Variants in TACR2 observed in about 807,000 individuals in gnomAD.
The protein encoded by TACR2 is substance-K receptor.
TACR2 carries 24 observed loss-of-function variants against 28.9 expected under a neutral mutation model. The observed-to-expected ratio is 0.83, with a 90% CI of 0.60 to 1.17. The LOEUF is 1.17. Ranked by LOEUF, TACR2 falls within the 50% of genes most tolerant of loss-of-function variation. The probability of loss-of-function intolerance (pLI) is 0.00; values close to 1 mark genes in which losing one functional copy is unlikely to be tolerated. For missense variants in TACR2, 487 were observed against 524.4 expected, an observed-to-expected ratio of 0.93 and a Z score of 0.70; for synonymous variants, 222 against 212.6, an observed-to-expected ratio of 1.04 and a Z score of -0.38.
Position 69,416,514 on chromosome 10 carries a change from A to G in TACR2, c.-191T>C. The G allele has an allele frequency of 1.5e-6, 1 of 653,324 alleles. No individual in the cohort carries two copies. 40.5% of individuals were successfully genotyped at this position (653,324 alleles called of 1,614,324 possible). ...GCAAAGATGAGCTGGGCTGAGCACA[A>G]AGCCCAGTCCAGAACCATTGTCATT... is the stretch of plus-strand genomic sequence containing the variant. On this transcript the variant is annotated 5_prime_UTR_variant, in exon 1 of 5. Transcript: ENST00000373306.
At chr10:69,405,162 A>AACTG (rs1840490987) in intron 4 of TACR2, 78 bp from the exon 5 acceptor site, 1 of 1,220,802 alleles carries the variant, frequency 8.2e-7, no homozygotes, top group African/African-American at 1.5e-5. Flanking sequence ...ACCCCCAGGA[A>AACTG]ACTGACTCCC....
intron 2 of TACR2, among the ~76,000 whole-genome samples, chr10:69,409,904 C>CATATAT (rs10663894): frequency 0.024 from 798 of 33,890 alleles, 11 homozygotes; most frequent in South Asian, 0.027. Context: ...TATATATATA[C>CATATAT]ATATATATAT....
chr10:69,410,059 T>G (rs1840556857), intron 2 of TACR2, among the ~76,000 whole-genome samples: 1 of 151,668 alleles, frequency 6.6e-6, no homozygotes, highest in South Asian at 2.1e-4. Context: ...TGCTGCTGTG[T>G]CATCTGCTTA....
Position 69,416,641 on chromosome 10 carries a change from T to G in TACR2, c.-318A>C. Reference sequence around the variant, plus strand: ...AAAACACCCTTATAAATCAACCCCTTCGCTGAAGAGATGGAAGACAGAGAT... The same window carrying G: ...AAAACACCCTTATAAATCAACCCCTGCGCTGAAGAGATGGAAGACAGAGAT... On this transcript the variant is annotated 5_prime_UTR_variant, in exon 1 of 5. Transcript: ENST00000373306. 1 of 248,406 alleles carries G rather than the reference T, an allele frequency of 4.0e-6. No homozygotes were observed. The highest frequency in any genetic ancestry group is 7.7e-6 in the Non-Finnish European group (1 of 129,734). 15.4% of individuals were successfully genotyped at this position (248,406 alleles called of 1,614,324 possible). A position where few individuals can be genotyped will look rare whatever the true frequency, so the allele number is the denominator to read the frequency against.
intron 3 of TACR2, among the ~76,000 whole-genome samples, chr10:69,408,173 T>A (rs897365355): frequency 4.6e-5 from 7 of 151,724 alleles, no homozygotes; most frequent in Non-Finnish European, 8.8e-5. Flanking sequence ...TGGCAGGGAG[T>A]AGGGGGACAC....
intron 2 of TACR2, among the ~76,000 whole-genome samples, chr10:69,414,545 G>A (rs1229301844): frequency 1.3e-5 from 2 of 152,164 alleles, no homozygotes; most frequent in African/African-American, 4.8e-5. Flanking sequence ...TGGGCCCTGG[G>A]CAGGATTGCT....
chr10:69,409,908 T>C (rs919948572), intron 2 of TACR2, among the ~76,000 whole-genome samples: 245 of 21,096 alleles, frequency 0.012, 1 homozygote, highest in South Asian at 0.027. Flanking sequence ...TATATACATA[T>C]ATATATATAT....
At chr10:69,415,872 C>T in intron 1 of TACR2, 60 bp downstream of exon 1, 2 of 1,576,402 alleles carry the variant, frequency 1.3e-6, no homozygotes, top group East Asian at 2.2e-5. Flanking sequence ...TGTCACCACC[C>T]TTATCTGAGC....
intron 2 of TACR2, among the ~76,000 whole-genome samples, chr10:69,412,603 T>G (rs1156538018): frequency 6.6e-6 from 1 of 152,208 alleles, no homozygotes; most frequent in African/African-American, 2.4e-5. Context: ...TGGGAGTCAG[T>G]ACAGGGCTCT....
intron 2 of TACR2, among the ~76,000 whole-genome samples, chr10:69,411,169 C>G (rs1442961070): frequency 6.6e-6 from 1 of 152,190 alleles, no homozygotes; most frequent in Non-Finnish European, 1.5e-5. Flanking sequence ...CCTCCTGCTT[C>G]TACCTGCCAC....
rs143396417 is a variant in TACR2 at position 69,414,954 on chromosome 10, G to A, written c.578C>T (p.Thr193Met). The A allele has an allele frequency of 2.4e-4, 392 of 1,610,892 alleles. No homozygotes were observed. Among genetic ancestry groups the A allele is most frequent in the Admixed American group, 3.7e-4 (22 of 59,908 alleles). Residue 193 changes from threonine to methionine, a missense_variant, in exon 2 of 5, where the codon ACG becomes ATG. By Grantham distance (81) the Thr-to-Met change is moderately conservative. Transcript: ENST00000373306. ...VAWPEDSGGKTLLLYHLVVIA... is the reference protein window; with the variant it reads ...VAWPEDSGGKMLLLYHLVVIA... ...CCCCCAGAGGCCTTACAGGAGGAGC[G>A]TCTTGCCCCCGCTGTCTTCGGGCCA...
chr10:69,404,911 C>A lies in TACR2; in HGVS notation c.1112G>T (p.Gly371Val), dbSNP rs1305282064. The A allele has an allele frequency of 1.1e-5, 17 of 1,614,060 alleles. No homozygotes were observed. The highest frequency in any genetic ancestry group is 1.4e-5 in the Non-Finnish European group (16 of 1,179,938). ...TCCATCCTGGGGACGCCCCGCCTCC[C>A]CACTGGTAGCCTCGGAGGGGGCTGT... is the stretch of plus-strand genomic sequence containing the variant. ...GDTAPSEATS[G>V]EAGRPQDGSG... Residue 371 changes from glycine (G) to valine (V), a missense_variant, in exon 5 of 5, where the codon GGG becomes GTG. Transcript: ENST00000373306.
rs1270845602 is a variant in TACR2 at position 69,416,062 on chromosome 10, CG to C, written c.261del (p.Ala88ProfsTer37). 1 of 1,614,020 alleles carries C rather than the reference CG, an allele frequency of 6.2e-7. No homozygotes were observed. The highest frequency in any genetic ancestry group is 8.5e-7 in the Non-Finnish European group (1 of 1,180,024). On this transcript the variant is annotated frameshift_variant, in exon 1 of 5. Transcript: ENST00000373306. LOFTEE classifies it high-confidence loss of function. ...LADLCMAAFN[A>X]AFNFVYASHN... ...TGGCTGGCATAGACAAAGTTGAAGG[CG>C]GCATTGAAGGCAGCCATGCAGAGGT...
intron 3 of TACR2, 103 bp from the exon 4 acceptor site, chr10:69,407,383 CCA>C: frequency 8.9e-7 from 1 of 1,127,646 alleles, no homozygotes; most frequent in Non-Finnish European, 1.3e-6. Flanking sequence ...GGGAACTGCT[CCA>C]CACACAGACC....
At position 69,416,471 on chromosome 10, in the gene TACR2, G is replaced by C. The variant is rs1429454139; in HGVS notation, c.-148C>G. On this transcript the variant is annotated 5_prime_UTR_variant, in exon 1 of 5. Coordinates refer to ENST00000373306, the MANE Select transcript of TACR2 (RefSeq NM_001057.3). ...TGGTGGCACATCAGGAGAGCCTGGGGCCACTCCTAGGTCTCAGGCAAAGAT... is the reference window on the plus strand; with the variant it reads ...TGGTGGCACATCAGGAGAGCCTGGGCCCACTCCTAGGTCTCAGGCAAAGAT... 3 of 1,091,736 alleles carry C rather than the reference G, an allele frequency of 2.7e-6. No homozygotes were observed. The highest frequency in any genetic ancestry group is 3.8e-6 in the Non-Finnish European group (3 of 782,386). The allele number at this position is 1,091,736 out of a possible 1,614,324, so 67.6% of individuals were successfully genotyped here. A position where few individuals can be genotyped will look rare whatever the true frequency, so the allele number is the denominator to read the frequency against.
At chr10:69,414,077 C>G (rs1269113746) in intron 2 of TACR2, among the ~76,000 whole-genome samples, 1 of 152,190 alleles carries the variant, frequency 6.6e-6, no homozygotes, top group African/African-American at 2.4e-5. Context: ...CTCTACCAAG[C>G]AATGGCTCAG....
At chr10:69,412,271 A>T (rs542881138) in intron 2 of TACR2, among the ~76,000 whole-genome samples, 4 of 152,286 alleles carry the variant, frequency 2.6e-5, no homozygotes, top group African/African-American at 9.6e-5. Flanking sequence ...GGCTCCAGTA[A>T]ATCTCTCTCC....
chr10:69,410,593 C>T (rs1840562461), intron 2 of TACR2, among the ~76,000 whole-genome samples: 1 of 151,630 alleles, frequency 6.6e-6, no homozygotes, highest in South Asian at 2.1e-4. Flanking sequence ...TGCAGCCTCT[C>T]TCTGATGAGC....
chr10:69,407,407 A>C, intron 3 of TACR2, 127 bp from the exon 4 acceptor site: 1 of 895,968 alleles, frequency 1.1e-6, no homozygotes, highest in Non-Finnish European at 1.7e-6. Flanking sequence ...CGTTAGCTCT[A>C]TTACTCAGGC....
Sources: gnomAD v4.1 joint callset for allele counts (sites outside exome capture counted in the v4.1 genomes callset) on GRCh38, gnomAD v4.1.1 for gene constraint, MANE v1.5 for transcripts, NCBI Gene and HGNC (gene_info 2026-07-23, HGNC 2026-07-21) for gene names.